AFF2: variants seen among roughly 807,000 people sequenced by gnomAD.
The protein encoded by AFF2 is ALF transcription elongation factor 2, also known as AF4/FMR2 family member 2.
A neutral mutation model predicts 76.9 loss-of-function variants in AFF2; 14 were observed. The observed-to-expected ratio is 0.18, with a 90% CI of 0.12 to 0.28. The LOEUF is 0.28. Among genes scored for constraint, AFF2 ranks in the 10% least tolerant of loss-of-function variants. The pLI is 1.00. For synonymous variants in AFF2, 398 were observed against 366.7 expected (o/e 1.09, Z -0.98); for missense variants, 868 against 1,001.1 (o/e 0.87, Z 1.79).
chrX:148,502,683 G>A (rs1167523333), intron 1 of AFF2, among the ~76,000 whole-genome samples: 5 of 112,590 alleles, frequency 4.4e-5, no homozygotes, highest in African/African-American at 1.6e-4. Context: ...TTATTTTGCA[G>A]ACAACTGATA....
intron 3 of AFF2, among the ~76,000 whole-genome samples, chrX:148,756,280 G>T (rs1213693239): frequency 1.8e-5 from 2 of 112,633 alleles, no homozygotes; most frequent in Non-Finnish European, 3.8e-5. Flanking sequence ...CTGGCTTGGT[G>T]TAAGAATGGC....
chrX:148,839,499 A>C (rs1282606278), intron 5 of AFF2, among the ~76,000 whole-genome samples: 1 of 112,078 alleles, frequency 8.9e-6, no homozygotes, highest in Non-Finnish European at 1.9e-5. Context: ...ATGGTAGTTA[A>C]GTAATGTGCT....
In AFF2 at chrX:148,500,637, T is replaced by TGCCGCCGCTGCCGCCGCCGCC. The variant is rs1557231523; in HGVS notation, c.-453_-452insTGCCGCCGCCGCCGCCGCCGC. The stretch of plus-strand genomic sequence containing the variant: ...CCGCCGCCGCCGCCTGTGCAGCCGC[T>TGCCGCCGCTGCCGCCGCCGCC]GCCGCCGCCGCCGCCGCCGCCGCCG... On this transcript the variant is annotated 5_prime_UTR_variant, in exon 1 of 21. Coordinates refer to ENST00000370460, the MANE Select transcript of AFF2 (RefSeq NM_002025.4). The TGCCGCCGCTGCCGCCGCCGCC allele has an allele frequency of 1.4e-5, 1 of 73,753 alleles. No homozygotes were observed. Among genetic ancestry groups the TGCCGCCGCTGCCGCCGCCGCC allele is most frequent in the Non-Finnish European group, 2.6e-5 (1 of 38,085 alleles). The allele number at this position is 73,753 out of a possible 1,213,427, so 6.1% of individuals were successfully genotyped here.
intron 19 of AFF2, among the ~76,000 whole-genome samples, chrX:148,986,520 C>A (rs1382609110): frequency 8.9e-6 from 1 of 112,598 alleles, no homozygotes; most frequent in Non-Finnish European, 1.9e-5. Flanking sequence ...AAGTGGAAAC[C>A]CTGAAGACTT....
At chrX:148,633,548 T>C (rs1166799476) in intron 1 of AFF2, among the ~76,000 whole-genome samples, 2 of 112,396 alleles carry the variant, frequency 1.8e-5, no homozygotes, top group African/African-American at 6.5e-5. Flanking sequence ...CCCTAGAAGA[T>C]AAAATTGAGA....
chrX:148,772,755 C>T (rs781844964), intron 3 of AFF2, among the ~76,000 whole-genome samples: 10 of 110,790 alleles, frequency 9.0e-5, no homozygotes, highest in East Asian at 2.8e-4. Context: ...AAACAAATGC[C>T]TTATCATTTA....
intron 9 of AFF2, among the ~76,000 whole-genome samples, chrX:148,942,612 C>T (rs1412020726): frequency 3.6e-5 from 4 of 110,219 alleles, no homozygotes; most frequent in African/African-American, 3.3e-5. Context: ...GTCAGGAGTT[C>T]GAGACCAGCC....
At chrX:148,961,415 A>G (rs1569557730) in intron 12 of AFF2, among the ~76,000 whole-genome samples, 1 of 112,718 alleles carries the variant, frequency 8.9e-6, no homozygotes, top group Non-Finnish European at 1.9e-5. Context: ...ATGGTTATAC[A>G]TGTCAAAGCA....
chrX:148,828,866 T>C (rs2070419608), intron 4 of AFF2, among the ~76,000 whole-genome samples: 2 of 112,259 alleles, frequency 1.8e-5, no homozygotes, highest in South Asian at 7.5e-4. Context: ...GATGGCTTGA[T>C]TGATTGCCTG....
chrX:148,704,215 C>G (rs868942749), intron 3 of AFF2, among the ~76,000 whole-genome samples: 1 of 22,836 alleles, frequency 4.4e-5, no homozygotes, highest in South Asian at 2.1e-3. Context: ...TATTGGAAAT[C>G]CTATATATAT....
intron 1 of AFF2, among the ~76,000 whole-genome samples, chrX:148,626,092 G>A (rs1477201559): frequency 8.9e-6 from 1 of 111,910 alleles, no homozygotes; most frequent in African/African-American, 3.2e-5. Context: ...AAAAATTGGT[G>A]GTGCCAAGAG....
intron 1 of AFF2, among the ~76,000 whole-genome samples, chrX:148,516,452 A>G (rs2052535807): frequency 8.9e-6 from 1 of 111,818 alleles, no homozygotes; most frequent in African/African-American, 3.3e-5. Flanking sequence ...AGGAGGAATC[A>G]AATAACTAAT....
chrX:148,985,281 T>C lies in AFF2; in HGVS notation c.3624-2086T>C, dbSNP rs781975031. ...GATTACAGGCATGAGCCCCTGTGCC[T>C]GGCCTTTTTTTTTTTTTTTTTTTTT... On this transcript the variant is annotated intron_variant, in intron 19 of 20. Transcript: ENST00000370460. 9.4e-5 allele frequency among the ~76,000 whole-genome samples: 8 copies of C among 85,544 alleles called. No individual in the cohort carries two copies. In the South Asian group the frequency reaches 5.5e-3, roughly 59 times the overall value. The allele number at this position is 85,544 out of a possible 115,157, so 74.3% of individuals were successfully genotyped here. A position where few individuals can be genotyped will look rare whatever the true frequency, so the allele number is the denominator to read the frequency against.
intron 8 of AFF2, among the ~76,000 whole-genome samples, chrX:148,894,218 T>C (rs1325661464): frequency 9.0e-6 from 1 of 111,675 alleles, no homozygotes; most frequent in Non-Finnish European, 1.9e-5. Flanking sequence ...TTGAAATTTA[T>C]ATTCTGTCTT....
chrX:148,804,985 G>A (rs1569555797), intron 3 of AFF2, among the ~76,000 whole-genome samples: 1 of 111,778 alleles, frequency 8.9e-6, no homozygotes. Flanking sequence ...AGAGGCTGCT[G>A]TCCTCTGTTT....
intron 15 of AFF2, 135 bp from the exon 16 acceptor site, chrX:148,973,336 A>G: frequency 2.5e-6 from 2 of 791,494 alleles, no homozygotes; most frequent in African/African-American, 2.0e-5. Context: ...AGGGGTGACA[A>G]CTGAAAGTGT....
At position 148,843,452 on chromosome X, in the gene AFF2, A is replaced by C; in HGVS notation, c.1262+19A>C. 8.4e-7 allele frequency: 1 copy of C among 1,196,293 alleles called. No homozygotes were observed. On this transcript the variant is annotated intron_variant, in intron 7 of 20. Transcript: ENST00000370460. ...TCAAATCGTGAGTAGTTGGATCTCC[A>C]AATCAGGCCTTTTTGGGGATATTTG...
chrX:148,630,776 G>A, intron 1 of AFF2, among the ~76,000 whole-genome samples: 1 of 111,652 alleles, frequency 9.0e-6, no homozygotes, highest in Non-Finnish European at 1.9e-5. Flanking sequence ...ACCTTTACAG[G>A]TTCCCCTCTC....
chrX:148,618,255 C>A (rs1202029895), intron 1 of AFF2, among the ~76,000 whole-genome samples: 1 of 111,185 alleles, frequency 9.0e-6, no homozygotes, highest in African/African-American at 3.3e-5. Flanking sequence ...TAAAGAACTG[C>A]CCAAGATTGG....
Sources: gnomAD v4.1 joint callset for allele counts (sites outside exome capture counted in the v4.1 genomes callset) on GRCh38, gnomAD v4.1.1 for gene constraint, MANE v1.5 for transcripts, NCBI Gene and HGNC (gene_info 2026-07-23, HGNC 2026-07-21) for gene names.